MRPS5: variants seen among roughly 807,000 people sequenced by gnomAD.
MRPS5 encodes the protein small ribosomal subunit protein uS5m.
MRPS5 carries 27 observed loss-of-function variants against 51.9 expected under a neutral mutation model. The ratio of observed to expected loss-of-function variants is 0.52; its 90% CI spans 0.38 to 0.72. The LOEUF is 0.72. Ranked by LOEUF, MRPS5 falls within the 30% of genes least tolerant of loss-of-function variation. The pLI, the probability that MRPS5 is intolerant of heterozygous loss-of-function variation, is 0.00. For missense variants in MRPS5, 570 were observed against 545.7 expected (o/e 1.04, Z -0.44); for synonymous variants, 196 against 193.2 (o/e 1.01, Z -0.12).
At chr2:95,089,152 T>C (rs527369233) in intron 11 of MRPS5, among the ~76,000 whole-genome samples, 1 of 152,276 alleles carries the variant, frequency 6.6e-6, no homozygotes, top group African/African-American at 2.4e-5. Flanking sequence ...ATCAACATCT[T>C]AATTAAACCT....
At position 95,087,393 on chromosome 2, in the gene MRPS5, G is replaced by A. The variant is rs1211932754; in HGVS notation, c.1257C>T (p.Arg419=). The A allele has an allele frequency of 1.2e-6, 2 of 1,614,044 alleles. No homozygotes were observed. The highest frequency in any genetic ancestry group is 1.7e-6 in the Non-Finnish European group (2 of 1,180,052). Residue 419 remains arginine, a synonymous_variant, in exon 12 of 12, where the codon CGC becomes CGT. Transcript: ENST00000272418. ...CTCTCTTCAAATTAGACCACACAGA[G>A]CGCTTCATTCCCTGTGCAGTCTTCA... ...EDVKTAQGMK[R]SVWSNLKRAA...
At chr2:95,096,648 C>T (rs1008332369) in intron 10 of MRPS5, among the ~76,000 whole-genome samples, 1 of 152,150 alleles carries the variant, frequency 6.6e-6, no homozygotes, top group South Asian at 2.1e-4. Context: ...GCCCTTCATG[C>T]TAAAAACTCT....
Position 95,100,501 on chromosome 2 carries a change from G to A in MRPS5, c.904C>T (p.His302Tyr). The A allele has an allele frequency of 6.2e-7, 1 of 1,607,982 alleles. No individual in the cohort carries two copies. The highest frequency in any genetic ancestry group is 8.5e-7 in the Non-Finnish European group (1 of 1,174,692). The change falls in exon 10 of 12, where the codon CAT becomes TAT. Residue 302 changes from histidine to tyrosine, a missense_variant. Physicochemically the swap from His to Tyr is moderately conservative, Grantham distance 83. Transcript: ENST00000272418. ...TTGGGTTGTTTCTTCATCTTGATAT[G>A]CGTCCTTTTAAATCTTAATGAAATA... ...HDISLRFKRT[H>Y]IKMKKQPKGY...
intron 6 of MRPS5, among the ~76,000 whole-genome samples, chr2:95,105,562 AGGAACTATTAAACT>A (rs1675926611): frequency 6.6e-6 from 1 of 151,756 alleles, no homozygotes; most frequent in Non-Finnish European, 1.5e-5. Flanking sequence ...AAAAAAGGCC[AGGAACTATTAAACT>A]GTTAACTAAA....
chr2:95,111,998 G>A (rs1676133747), intron 3 of MRPS5, among the ~76,000 whole-genome samples: 1 of 151,922 alleles, frequency 6.6e-6, no homozygotes, highest in East Asian at 1.9e-4. Flanking sequence ...AATTCTTTCT[G>A]TCATTTTTCC....
At chr2:95,097,323 G>C (rs980682939) in intron 10 of MRPS5, among the ~76,000 whole-genome samples, 1 of 152,170 alleles carries the variant, frequency 6.6e-6, no homozygotes, top group Non-Finnish European at 1.5e-5. Flanking sequence ...TTTCTTCACA[G>C]AATTGGAAAA....
chr2:95,106,874 C>A (rs1187081108), intron 5 of MRPS5, among the ~76,000 whole-genome samples: 1 of 152,124 alleles, frequency 6.6e-6, no homozygotes, highest in Non-Finnish European at 1.5e-5. Flanking sequence ...TGAATCCATG[C>A]AGCTCTCTGG....
At position 95,085,570 on chromosome 2, in the gene MRPS5, C is replaced by A. The variant is rs561253586; in HGVS notation, c.*1787G>T. 1.1e-4 allele frequency among the ~76,000 whole-genome samples: 16 copies of A among 152,184 alleles called. No homozygotes were observed. The highest frequency in any genetic ancestry group is 7.2e-4 in the Admixed American group (11 of 15,270). On this transcript the variant is annotated 3_prime_UTR_variant, in exon 12 of 12. Coordinates refer to ENST00000272418, the MANE Select transcript of MRPS5 (RefSeq NM_031902.5). ...GTCACAGGCTGAAAACTTTCACCAT[C>A]CAGCCTAACATGGCCTGCTCCCTAT... is the stretch of plus-strand genomic sequence containing the variant.
intron 1 of MRPS5, among the ~76,000 whole-genome samples, chr2:95,120,339 A>T (rs1676405235): frequency 6.6e-6 from 1 of 152,244 alleles, no homozygotes. Context: ...GAAGCCAATC[A>T]CAAAAGACTA....
chr2:95,110,057 G>C lies in MRPS5; in HGVS notation c.278-16C>G, dbSNP rs200878189. The C allele has an allele frequency of 1.5e-4, 245 of 1,600,912 alleles. 1 individual carries two copies. In the East Asian group the frequency reaches 5.2e-3, roughly 34 times the overall value. ...TCTGCAGTCACTGTAACGAAACAGG[G>C]TTTCTTTTCTTAATTCTGTAGTTTT... On this transcript the variant is annotated splice_polypyrimidine_tract_variant and intron_variant, in intron 3 of 11. Coordinates refer to ENST00000272418, the MANE Select transcript of MRPS5 (RefSeq NM_031902.5).
At position 95,102,128 on chromosome 2, in the gene MRPS5, C is replaced by T. The variant is rs145717799; in HGVS notation, c.764-405G>A. On this transcript the variant is annotated intron_variant, in intron 7 of 11. Coordinates refer to ENST00000272418, the MANE Select transcript of MRPS5 (RefSeq NM_031902.5). The stretch of plus-strand genomic sequence containing the variant: ...TGAGCTATGACTGTGCCACTGCACT[C>T]CAGATAGAGCAAGACCCTGTCTCAA... Among the ~76,000 whole-genome samples the T allele has an allele frequency of 6.4e-3, 976 of 151,612 alleles. 10 individuals are homozygous for T. Among genetic ancestry groups the T allele is most frequent in the African/African-American group, 0.023 (937 of 41,330 alleles).
Position 95,108,330 on chromosome 2 carries a change from C to T in MRPS5, c.482G>A (p.Ser161Asn), listed in dbSNP as rs781762897. Residue 161 changes from serine to asparagine, a missense_variant, in exon 5 of 12, where the codon AGC becomes AAC. Physicochemically the swap from Ser to Asn is conservative, Grantham distance 46. Coordinates refer to ENST00000272418, the MANE Select transcript of MRPS5 (RefSeq NM_031902.5). ...NGAVQTIAQRSKEEQEKVEAD... is the reference protein window; with the variant it reads ...NGAVQTIAQRNKEEQEKVEAD... ...CTCCACCTTCTCCTGCTCTTCCTTG[C>T]TTCTTTGGGCAATGGTCTGCACTGC... 6.2e-7 allele frequency: 1 copy of T among 1,614,206 alleles called. No individual in the cohort carries two copies. Among genetic ancestry groups the T allele is most frequent in the Non-Finnish European group, 8.5e-7 (1 of 1,180,052 alleles).
rs186875096 is a variant in MRPS5, at chr2:95,121,249, T to C, written c.58+485A>G. 1.0e-3 allele frequency among the ~76,000 whole-genome samples: 156 copies of C among 152,310 alleles called. 3 individuals are homozygous for C. Among genetic ancestry groups the C allele is most frequent in the African/African-American group, 3.2e-3 (135 of 41,568 alleles). ...AGCTAAATGAGTTTTAAAATACACATATTCGGGCTCTAGGGCTCTTCAGAT... is the reference window on the plus strand; with the variant it reads ...AGCTAAATGAGTTTTAAAATACACACATTCGGGCTCTAGGGCTCTTCAGAT... On this transcript the variant is annotated intron_variant, in intron 1 of 11. Coordinates refer to ENST00000272418, the MANE Select transcript of MRPS5 (RefSeq NM_031902.5).
chr2:95,093,278 G>A (rs1190709077), intron 10 of MRPS5: 3 of 152,394 alleles, frequency 2.0e-5, no homozygotes, highest in African/African-American at 7.2e-5. Context: ...TCTGTGCACA[G>A]GGCATAGCTA....
intron 6 of MRPS5, 118 bp downstream of exon 6, chr2:95,106,305 G>A (rs1473063126): frequency 2.4e-6 from 2 of 826,642 alleles, no homozygotes; most frequent in Non-Finnish European, 4.2e-6. Context: ...GATCAGCTGT[G>A]TGTCAGAAAT....
chr2:95,093,299 A>G (rs1202096024), intron 10 of MRPS5: 1 of 152,368 alleles, frequency 6.6e-6, no homozygotes, highest in Non-Finnish European at 1.5e-5. Context: ...AACAAAAGGC[A>G]GCAGAAACTT....
At chr2:95,099,584 C>T (rs1228518277) in intron 10 of MRPS5, among the ~76,000 whole-genome samples, 10 of 152,254 alleles carry the variant, frequency 6.6e-5, no homozygotes, top group Middle Eastern at 3.4e-3. Context: ...TAGCCAGGCC[C>T]GCTAGTGACT....
rs570787609 is a variant in MRPS5 at position 95,095,480 on chromosome 2, G to A, written c.932-4958C>T. 5.9e-5 allele frequency among the ~76,000 whole-genome samples: 9 copies of A among 152,292 alleles called. No individual in the cohort carries two copies. The East Asian group carries it at 9.6e-4, about 16-fold the overall frequency. On this transcript the variant is annotated intron_variant, in intron 10 of 11. Coordinates refer to ENST00000272418, the MANE Select transcript of MRPS5 (RefSeq NM_031902.5). ...GTAAAGCACTCCTCAGCAAATGTAA[G>A]AGAACAGAAATCACAACTAACTGTC...
rs200747313 is a variant in MRPS5 at position 95,087,493 on chromosome 2, G to A, written c.1157C>T (p.Ser386Phe). The change falls in exon 12 of 12, where the codon TCC becomes TTC. Residue 386 changes from serine to phenylalanine, a missense_variant. Transcript: ENST00000272418. Reference sequence around the variant, plus strand: ...ATCCTTCCTCAAGGGCCCCCGGGGGGACGCAACCACAATGGGCAGAGGGCC... The same window carrying A: ...ATCCTTCCTCAAGGGCCCCCGGGGGAACGCAACCACAATGGGCAGAGGGCC... ...ECGPLPIVVA[S>F]PRGPLRKDPE... 1.0e-4 allele frequency: 165 copies of A among 1,614,130 alleles called. No homozygotes were observed. In the East Asian group the frequency reaches 1.4e-3, roughly 14 times the overall value.
Sources: allele counts gnomAD v4.1 joint callset (sites outside exome capture counted in the v4.1 genomes callset), GRCh38; gene constraint gnomAD v4.1.1; transcripts MANE v1.5; gene names NCBI Gene and HGNC (gene_info 2026-07-23, HGNC 2026-07-21).